Variants in SCN2A observed in about 807,000 individuals in gnomAD.
SCN2A encodes the protein sodium channel protein type 2 subunit alpha.
A neutral mutation model predicts 188.7 loss-of-function variants in SCN2A; 20 were observed. That is an observed-to-expected ratio of 0.11 (90% CI 0.07 to 0.15). The LOEUF (loss-of-function observed/expected upper bound fraction) is 0.15, where lower values mean the gene tolerates loss of function less well. Among genes scored for constraint, SCN2A ranks in the 10% least tolerant of loss-of-function variants. The probability of loss-of-function intolerance (pLI) is 1.00; values close to 1 mark genes in which losing one functional copy is unlikely to be tolerated. For synonymous variants in SCN2A, 804 were observed against 833.1 expected, an observed-to-expected ratio of 0.97 and a Z score of 0.60; for missense variants, 1,278 against 2,445.0, an observed-to-expected ratio of 0.52 and a Z score of 10.07.
At position 165,367,676 on chromosome 2, in the gene SCN2A, G is replaced by A. The variant is rs111571323; in HGVS notation, c.3675+305G>A. Among the ~76,000 whole-genome samples, 210 of 152,338 alleles carry A rather than the reference G, an allele frequency of 1.4e-3. 1 individual carries two copies. Among genetic ancestry groups the A allele is most frequent in the African/African-American group, 4.9e-3 (202 of 41,586 alleles). ...AGACTGGTTATGTAGACATGATGTA[G>A]GATTATCAGCTAAATATCAGACTGA... is the stretch of plus-strand genomic sequence containing the variant. On this transcript the variant is annotated intron_variant, in intron 19 of 26. Coordinates refer to ENST00000375437, the MANE Select transcript of SCN2A (RefSeq NM_001040142.2).
At chr2:165,382,448 TCCAACCAGCA>T (rs2105388532) in intron 25 of SCN2A, among the ~76,000 whole-genome samples, 1 of 152,116 alleles carries the variant, frequency 6.6e-6, no homozygotes. Context: ...ATAATCTGTG[TCCAACCAGCA>T]GGACTGGAAC....
intron 1 of SCN2A, among the ~76,000 whole-genome samples, chr2:165,247,777 GT>G: frequency 6.6e-6 from 1 of 152,246 alleles, no homozygotes; most frequent in South Asian, 2.1e-4. Context: ...TTTACCTCCA[GT>G]TTTCTGCCAA....
intron 16 of SCN2A, among the ~76,000 whole-genome samples, chr2:165,348,951 A>G (rs1574652188): frequency 6.6e-6 from 1 of 152,046 alleles, no homozygotes; most frequent in Non-Finnish European, 1.5e-5. Context: ...CTTGAAAGTC[A>G]CTCTTCACCA....
intron 3 of SCN2A, among the ~76,000 whole-genome samples, chr2:165,305,328 G>A (rs755652928): frequency 3.9e-5 from 6 of 152,188 alleles, no homozygotes; most frequent in Non-Finnish European, 7.3e-5. Context: ...GATAAGATAT[G>A]TAAGTACAGA....
rs1459087015 is a variant in SCN2A at position 165,278,024 on chromosome 2, A to G, written c.-51-17749A>G. Among the ~76,000 whole-genome samples, 3 of 152,328 alleles carry G rather than the reference A, an allele frequency of 2.0e-5. No homozygotes were observed. The South Asian group carries it at 6.2e-4, about 32-fold the overall frequency. ...AAATGTTCTTAAGCTTGAAAAAGTG[A>G]AAGTGTGTACCCAGCTGGAAGGATG... On this transcript the variant is annotated intron_variant, in intron 1 of 26. Transcript: ENST00000375437.
chr2:165,326,100 T>C (rs1698344654), intron 12 of SCN2A, among the ~76,000 whole-genome samples: 2 of 152,138 alleles, frequency 1.3e-5, no homozygotes, highest in Non-Finnish European at 2.9e-5. Context: ...GACATCATTG[T>C]TTGATCTCCT....
rs1694016081 is a variant in SCN2A, at chr2:165,250,011, TTCTC to T, written c.-52+10375_-52+10378del. On this transcript the variant is annotated intron_variant, in intron 1 of 26. Transcript: ENST00000375437. ...CTCAAACGTCACTTCCTTTATAATG[TTCTC>T]TCTGTTTTCACATGCAGCATATACT... Among the ~76,000 whole-genome samples, 3 of 152,042 alleles carry T rather than the reference TTCTC, an allele frequency of 2.0e-5. No individual in the cohort carries two copies. The South Asian group carries it at 6.2e-4, about 31-fold the overall frequency.
At chr2:165,307,084 G>T (rs1697178499) in intron 3 of SCN2A, among the ~76,000 whole-genome samples, 2 of 152,082 alleles carry the variant, frequency 1.3e-5, no homozygotes, top group Non-Finnish European at 2.9e-5. Context: ...GTGGGATAGG[G>T]TGAAACCAAC....
chr2:165,371,792 C>G (rs1701043920), intron 20 of SCN2A: 1 of 152,102 alleles, frequency 6.6e-6, no homozygotes, highest in Non-Finnish European at 1.5e-5. Context: ...ACAAGACCTG[C>G]TTGTTCTTTT....
intron 3 of SCN2A, among the ~76,000 whole-genome samples, chr2:165,297,591 T>A (rs919510369): frequency 6.6e-6 from 1 of 152,244 alleles, no homozygotes; most frequent in Admixed American, 6.5e-5. Context: ...TTTCTTCTAT[T>A]TTAGCATTTA....
chr2:165,293,737 C>A, intron 1 of SCN2A: 1 of 587,822 alleles, frequency 1.7e-6, no homozygotes, highest in Non-Finnish European at 2.1e-6. Flanking sequence ...GAAGCATTAT[C>A]TGTTAACAAA....
intron 3 of SCN2A, among the ~76,000 whole-genome samples, chr2:165,302,964 T>C (rs962600483): frequency 6.6e-6 from 1 of 152,150 alleles, no homozygotes; most frequent in Non-Finnish European, 1.5e-5. Context: ...ATAAAGAAAT[T>C]AATAGATTAA....
At chr2:165,305,444 T>C (rs2105235109) in intron 3 of SCN2A, among the ~76,000 whole-genome samples, 1 of 152,272 alleles carries the variant, frequency 6.6e-6, no homozygotes, top group African/African-American at 2.4e-5. Context: ...TGAGCAATGT[T>C]TGTTGATGGA....
chr2:165,386,392 A>G (rs1285062634), intron 25 of SCN2A, among the ~76,000 whole-genome samples: 1 of 152,104 alleles, frequency 6.6e-6, no homozygotes, highest in African/African-American at 2.4e-5. Context: ...TGAACCCGGG[A>G]GGCAGAGGTT....
intron 17 of SCN2A, among the ~76,000 whole-genome samples, chr2:165,363,285 C>T (rs1056127701): frequency 3.3e-5 from 5 of 152,082 alleles, no homozygotes; most frequent in Non-Finnish European, 7.4e-5. Context: ...ATTTGCAGAA[C>T]CCTGAATATG....
At chr2:165,319,854 G>A (rs1045453126) in intron 11 of SCN2A, among the ~76,000 whole-genome samples, 3 of 152,138 alleles carry the variant, frequency 2.0e-5, no homozygotes, top group African/African-American at 7.2e-5. Flanking sequence ...ATGAGATCTG[G>A]GTGGGGACAC....
chr2:165,306,210 T>C (rs1254889698), intron 3 of SCN2A, among the ~76,000 whole-genome samples: 1 of 151,746 alleles, frequency 6.6e-6, no homozygotes, highest in Non-Finnish European at 1.5e-5. Context: ...AAGAAGAGGG[T>C]TGGAAGCTGG....
chr2:165,261,554 T>G (rs970659277), intron 1 of SCN2A, among the ~76,000 whole-genome samples: 3 of 152,248 alleles, frequency 2.0e-5, no homozygotes, highest in Non-Finnish European at 2.9e-5. Context: ...TATCTGTCCT[T>G]TTTAAATCAC....
At chr2:165,305,437 G>A (rs1355862150) in intron 3 of SCN2A, among the ~76,000 whole-genome samples, 3 of 152,168 alleles carry the variant, frequency 2.0e-5, no homozygotes, top group African/African-American at 7.2e-5. Context: ...TGTTTGTTGA[G>A]CAATGTTTGT....
Sources: gnomAD v4.1 joint callset for allele counts (sites outside exome capture counted in the v4.1 genomes callset) on GRCh38, gnomAD v4.1.1 for gene constraint, MANE v1.5 for transcripts, NCBI Gene and HGNC (gene_info 2026-07-23, HGNC 2026-07-21) for gene names.